The following UMAD1 variants were observed in gnomAD, a reference collection of about 807,000 sequenced individuals.
UMAD1 encodes UBAP1-MVB12-associated (UMA)-domain containing protein 1.
UMAD1 carries 8 observed loss-of-function variants against 6.1 expected under a neutral mutation model. That is an observed-to-expected ratio of 1.30 (90% CI 0.76 to 2.35). UMAD1 has a LOEUF of 2.35. UMAD1 is among the 30% of genes most tolerant of loss of function. UMAD1 has a pLI of 0.00. For synonymous variants in UMAD1, 56 were observed against 31.4 expected (o/e 1.78, Z -2.61); for missense variants, 130 against 78.4 (o/e 1.66, Z -2.49).
At chr7:7,837,051 G>A (rs1293864245) in intron 3 of UMAD1, among the ~76,000 whole-genome samples, 2 of 151,822 alleles carry the variant, frequency 1.3e-5, no homozygotes, top group East Asian at 3.9e-4. Context: ...TAGTGACTCA[G>A]TATAACACCA....
intron 2 of UMAD1, among the ~76,000 whole-genome samples, chr7:7,794,133 AG>A (rs1199883774): frequency 2.0e-5 from 3 of 152,208 alleles, no homozygotes; most frequent in Non-Finnish European, 4.4e-5. Flanking sequence ...ACAGAGTTCT[AG>A]ATAAATCATC....
At chr7:7,648,166 G>A (rs1239829062) in intron 1 of UMAD1, among the ~76,000 whole-genome samples, 6 of 152,150 alleles carry the variant, frequency 3.9e-5, no homozygotes, top group South Asian at 2.1e-4. Context: ...AAGTCATTTC[G>A]TTCTAAATCA....
chr7:7,744,880 A>C (rs1191555729), intron 2 of UMAD1, among the ~76,000 whole-genome samples: 3 of 152,116 alleles, frequency 2.0e-5, no homozygotes, highest in Non-Finnish European at 2.9e-5. Flanking sequence ...TTGTCTTTTC[A>C]TAATACAGTT....
At chr7:7,819,588 C>T (rs1338530929) in intron 3 of UMAD1, among the ~76,000 whole-genome samples, 1 of 152,102 alleles carries the variant, frequency 6.6e-6, no homozygotes, top group African/African-American at 2.4e-5. Flanking sequence ...TTGTTTTTTC[C>T]ACGCCTGTTG....
chr7:7,783,598 A>G (rs1782395264), intron 2 of UMAD1, among the ~76,000 whole-genome samples: 1 of 152,218 alleles, frequency 6.6e-6, no homozygotes, highest in Admixed American at 6.5e-5. Flanking sequence ...CCAGGTCTTA[A>G]CTACCAAGAT....
At chr7:7,671,973 G>A (rs1219797775) in intron 1 of UMAD1, among the ~76,000 whole-genome samples, 1 of 151,940 alleles carries the variant, frequency 6.6e-6, no homozygotes, top group African/African-American at 2.4e-5. Flanking sequence ...ATGTTTTCTA[G>A]CAACCAATAG....
chr7:7,746,024 C>A (rs1288659537), intron 2 of UMAD1, among the ~76,000 whole-genome samples: 1 of 152,192 alleles, frequency 6.6e-6, no homozygotes, highest in Admixed American at 6.5e-5. Context: ...GCATGTGGCA[C>A]CACACTCAGC....
intron 2 of UMAD1, among the ~76,000 whole-genome samples, chr7:7,728,621 G>A (rs1299379516): frequency 1.3e-5 from 2 of 150,368 alleles, no homozygotes; most frequent in Admixed American, 1.3e-4. Flanking sequence ...TCCAGACTGG[G>A]TGACAGAGTG....
chr7:7,749,784 A>C (rs957314144), intron 2 of UMAD1, among the ~76,000 whole-genome samples: 1 of 152,218 alleles, frequency 6.6e-6, no homozygotes, highest in Non-Finnish European at 1.5e-5. Flanking sequence ...TGAAACATTT[A>C]TTACACAGAA....
chr7:7,854,824 A>G (rs1169864646), intron 3 of UMAD1, among the ~76,000 whole-genome samples: 2 of 152,214 alleles, frequency 1.3e-5, no homozygotes, highest in Non-Finnish European at 2.9e-5. Flanking sequence ...ATCTAAAGCA[A>G]GGCAAATCCC....
chr7:7,835,783 C>G (rs1447696607), intron 3 of UMAD1, among the ~76,000 whole-genome samples: 1 of 151,724 alleles, frequency 6.6e-6, no homozygotes, highest in African/African-American at 2.4e-5. Context: ...TTTAGGTTTT[C>G]TGAGGTTTTG....
At chr7:7,656,018 A>G (rs2115082004) in intron 1 of UMAD1, among the ~76,000 whole-genome samples, 1 of 152,158 alleles carries the variant, frequency 6.6e-6, no homozygotes, top group East Asian at 1.9e-4. Context: ...TATTTTTAGT[A>G]GAGACGGGGT....
At chr7:7,772,524 T>C (rs2115244233) in intron 2 of UMAD1, 1 of 152,356 alleles carries the variant, frequency 6.6e-6, no homozygotes, top group Non-Finnish European at 1.5e-5. Context: ...GGGATGTTTA[T>C]GTAGAAATCA....
intron 1 of UMAD1, among the ~76,000 whole-genome samples, chr7:7,653,062 A>G (rs1417933144): frequency 6.6e-6 from 1 of 152,206 alleles, no homozygotes; most frequent in African/African-American, 2.4e-5. Context: ...CTCCCTTAGG[A>G]CATTATTTAG....
At chr7:7,831,900 T>G (rs17494629) in intron 3 of UMAD1, among the ~76,000 whole-genome samples, 22,938 of 152,228 alleles carry the variant, frequency 0.15, 2,406 homozygotes, top group Middle Eastern at 0.22. Context: ...GGACAACTTC[T>G]TTCTTTGTGG....
At chr7:7,787,305 T>A (rs1782480110) in intron 2 of UMAD1, among the ~76,000 whole-genome samples, 1 of 152,200 alleles carries the variant, frequency 6.6e-6, no homozygotes. Flanking sequence ...CTTTAACCAG[T>A]CTTGATATTA....
intron 1 of UMAD1, among the ~76,000 whole-genome samples, chr7:7,658,522 G>C (rs1277933850): frequency 2.6e-5 from 4 of 152,294 alleles, no homozygotes; most frequent in African/African-American, 7.2e-5. Flanking sequence ...TAGTATGAAG[G>C]GCTGTTGAAT....
intron 2 of UMAD1, among the ~76,000 whole-genome samples, chr7:7,751,594 G>T (rs935117263): frequency 6.6e-6 from 1 of 152,264 alleles, no homozygotes; most frequent in South Asian, 2.1e-4. Flanking sequence ...GTATATGAGG[G>T]TGGAGGGACA....
chr7:7,665,519 T>A (rs749590447), intron 1 of UMAD1, among the ~76,000 whole-genome samples: 36 of 152,246 alleles, frequency 2.4e-4, no homozygotes, highest in Non-Finnish European at 4.3e-4. Context: ...AATAAATTTT[T>A]AAAGAACTTT....
Sources: gnomAD v4.1 joint callset for allele counts (sites outside exome capture counted in the v4.1 genomes callset) on GRCh38, gnomAD v4.1.1 for gene constraint, MANE v1.5 for transcripts, NCBI Gene and HGNC (gene_info 2026-07-23, HGNC 2026-07-21) for gene names.